SIDT2: variants seen among roughly 807,000 people sequenced by gnomAD.
SIDT2 encodes SID1 transmembrane family, member 2.
SIDT2 carries 68 observed loss-of-function variants against 114.4 expected under a neutral mutation model. The ratio of observed to expected loss-of-function variants is 0.59; its 90% CI spans 0.49 to 0.73. SIDT2 has a LOEUF of 0.73. Among genes scored for constraint, SIDT2 ranks in the 30% least tolerant of loss-of-function variants. The pLI, the probability that SIDT2 is intolerant of heterozygous loss-of-function variation, is 0.00. For synonymous variants in SIDT2, 470 were observed against 438.4 expected, an observed-to-expected ratio of 1.07 and a Z score of -0.90; for missense variants, 918 against 1,097.1, an observed-to-expected ratio of 0.84 and a Z score of 2.31.
In SIDT2 at chr11:117,188,746, G is replaced by A. The variant is rs376169819; in HGVS notation, c.1198G>A (p.Asp400Asn). 60 of 1,614,054 alleles carry A rather than the reference G, an allele frequency of 3.7e-5. No individual in the cohort carries two copies. The Middle Eastern group carries it at 4.9e-4, about 13-fold the overall frequency. The change falls in exon 13 of 26, where the codon GAC becomes AAC. Residue 400 changes from aspartate (D) to asparagine (N), a missense_variant. By Grantham distance (23) the Asp-to-Asn change is conservative. Around this residue, in one of 4 missense-constraint regions of SIDT2, gnomAD observed 553 missense variants for 600.1 expected, o/e 0.92. Coordinates refer to ENST00000324225, the MANE Select transcript of SIDT2 (RefSeq NM_001040455.2). The surrounding 1 kb of genome is among the most constrained non-coding windows in gnomAD (Gnocchi z 4.0). ...FEPVGTRPRV[D>N]SMSSVEEDDY... The stretch of plus-strand genomic sequence containing the variant: ...ACCTGTAGGTACTCGGCCCCGAGTG[G>A]ACTCCATGAGCTCTGTGGAGGAGGA...
Position 117,190,211 on chromosome 11 carries a change from G to T in SIDT2, c.1539G>T (p.Gly513=), listed in dbSNP as rs765726361. The T allele has an allele frequency of 6.3e-6, 10 of 1,581,924 alleles. No homozygotes were observed. In the Admixed American group the frequency reaches 1.4e-4, roughly 23 times the overall value. ...GCAACCTGGGGTACATCCTGCTGGG[G>T]CTGCTTTTCCTGCTCATCATCCTGC... is the stretch of plus-strand genomic sequence containing the variant. The part of the protein sequence containing the change: ...ILSNLGYILL[G]LLFLLIILQR... Residue 513 remains glycine, a synonymous_variant, in exon 17 of 26, where the codon GGG becomes GGT. Transcript: ENST00000324225. The surrounding 1 kb of genome is among the most constrained non-coding windows in gnomAD (Gnocchi z 4.1).
Position 117,192,352 on chromosome 11 carries a change from G to A in SIDT2, c.1971G>A (p.Arg657=). The A allele has an allele frequency of 6.3e-7, 1 of 1,599,948 alleles. No homozygotes were observed. ...GCACGCAGCTCTATTACATGGGCCG[G>A]TGGAAACTGGGTAAGGGCACGCCCG... ...LLSTQLYYMG[R]WKLDSGIFRR... is the part of the protein sequence containing the mutation. Residue 657 remains arginine, a synonymous_variant, in exon 20 of 26, where the codon CGG becomes CGA. Transcript: ENST00000324225. The surrounding 1 kb of genome is among the most constrained non-coding windows in gnomAD (Gnocchi z 5.9).
rs1378890115 is a variant in SIDT2 at position 117,188,905 on chromosome 11, C to T, written c.1278+79C>T. ...GCGTTCCCGCCCCAGCATGTTCCCA[C>T]TGACGTGGCATTTAGGGAAGCAGAA... On this transcript the variant is annotated intron_variant, in intron 13 of 25. Transcript: ENST00000324225. The surrounding 1 kb of genome is among the most constrained non-coding windows in gnomAD (Gnocchi z 4.0). The T allele has an allele frequency of 1.7e-5, 24 of 1,396,554 alleles. No individual in the cohort carries two copies. The highest frequency in any genetic ancestry group is 2.4e-5 in the Non-Finnish European group (24 of 982,814). 86.5% of individuals were successfully genotyped at this position (1,396,554 alleles called of 1,614,324 possible).
chr11:117,190,890 T>C lies in SIDT2; in HGVS notation c.1735+150T>C, dbSNP rs1377367383. 4 of 618,654 alleles carry C rather than the reference T, an allele frequency of 6.5e-6. No homozygotes were observed. The highest frequency in any genetic ancestry group is 5.8e-6 in the Non-Finnish European group (2 of 343,044). 38.3% of individuals were successfully genotyped at this position (618,654 alleles called of 1,614,324 possible). ...GCCTGGGTGTGCACACATCCTAGCCTATGGAACATGGGCACCTAGATGCTG... is the reference window on the plus strand; with the variant it reads ...GCCTGGGTGTGCACACATCCTAGCCCATGGAACATGGGCACCTAGATGCTG... On this transcript the variant is annotated intron_variant, in intron 18 of 25. Transcript: ENST00000324225. The surrounding 1 kb of genome is among the most constrained non-coding windows in gnomAD (Gnocchi z 4.1).
intron 24 of SIDT2, among the ~76,000 whole-genome samples, chr11:117,194,920 C>G (rs1565290007): frequency 6.6e-6 from 1 of 151,734 alleles, no homozygotes; most frequent in Non-Finnish European, 1.5e-5. Context: ...AACCCCATCT[C>G]TAGTAAAAAT....
At position 117,196,756 on chromosome 11, in the gene SIDT2, C is replaced by G. The variant is rs893255588; in HGVS notation, c.*690C>G. 6.5e-6 allele frequency: 1 copy of G among 153,010 alleles called. No individual in the cohort carries two copies. Among genetic ancestry groups the G allele is most frequent in the African/African-American group, 2.4e-5 (1 of 41,450 alleles). 9.5% of individuals were successfully genotyped at this position (153,010 alleles called of 1,614,324 possible). A position where few individuals can be genotyped will look rare whatever the true frequency, so the allele number is the denominator to read the frequency against. On this transcript the variant is annotated 3_prime_UTR_variant, in exon 26 of 26. Coordinates refer to ENST00000324225, the MANE Select transcript of SIDT2 (RefSeq NM_001040455.2). The surrounding 1 kb of genome is among the most constrained non-coding windows in gnomAD (Gnocchi z 4.9). ...CTCAGCCCAATTTGAGAACCGCCTT[C>G]TGATTCAAGAGGCTGAATTCAGAGG...
rs2030909766 is a variant in SIDT2 at position 117,196,725 on chromosome 11, A to G, written c.*659A>G. ...CTGTGCTCAGGGCTGGCTCTTTAGCAATGCGCTCAGCCCAATTTGAGAACC... is the reference window on the plus strand; with the variant it reads ...CTGTGCTCAGGGCTGGCTCTTTAGCGATGCGCTCAGCCCAATTTGAGAACC... On this transcript the variant is annotated 3_prime_UTR_variant, in exon 26 of 26. Coordinates refer to ENST00000324225, the MANE Select transcript of SIDT2 (RefSeq NM_001040455.2). The surrounding 1 kb of genome is among the most constrained non-coding windows in gnomAD (Gnocchi z 4.9). The G allele has an allele frequency of 6.5e-6, 1 of 153,266 alleles. No individual in the cohort carries two copies. Among genetic ancestry groups the G allele is most frequent in the Admixed American group, 6.5e-5 (1 of 15,404 alleles). 9.5% of individuals were successfully genotyped at this position (153,266 alleles called of 1,614,324 possible).
At chr11:117,187,785 C>T (rs188624561) in intron 12 of SIDT2, 86 bp downstream of exon 12, 224 of 1,318,558 alleles carry the variant, frequency 1.7e-4, no homozygotes, top group Admixed American at 4.9e-4. Context: ...GCCTCTTCTG[C>T]CAGATGCTGG....
intron 23 of SIDT2, 152 bp downstream of exon 23, chr11:117,193,410 G>GCAGCCCACT: frequency 1.4e-6 from 1 of 725,912 alleles, no homozygotes; most frequent in Non-Finnish European, 2.3e-6. Context: ...ATGGGCCCCT[G>GCAGCCCACT]GGAGCCAACT....
At chr11:117,194,846 T>C (rs1204078497) in intron 24 of SIDT2, among the ~76,000 whole-genome samples, 2 of 152,004 alleles carry the variant, frequency 1.3e-5, no homozygotes, top group East Asian at 1.9e-4. Flanking sequence ...CCCAGCACTT[T>C]GGGAGGCCGA....
intron 24 of SIDT2, 90 bp from the exon 25 acceptor site, chr11:117,195,712 A>G: frequency 7.5e-7 from 1 of 1,327,772 alleles, no homozygotes; most frequent in Admixed American, 1.7e-5. Context: ...GGCTGGAGAG[A>G]GGGGTGCCCA....
chr11:117,186,659 G>A, intron 10 of SIDT2, 23 bp downstream of exon 10: 1 of 1,544,010 alleles, frequency 6.5e-7, no homozygotes, highest in Non-Finnish European at 8.7e-7. Context: ...GGCCTGGGTG[G>A]GGCGGGCACA....
chr11:117,182,763 G>C lies in SIDT2; in HGVS notation c.659G>C (p.Gly220Ala), dbSNP rs751518422. ...YDLDNNVAFI[G>A]MYQTMTKKAA... ...CTGGACAACAACGTAGCCTTCATCGGCATGTACCAGACGATGACCAAGAAG... is the reference window on the plus strand; with the variant it reads ...CTGGACAACAACGTAGCCTTCATCGCCATGTACCAGACGATGACCAAGAAG... The change falls in exon 6 of 26, where the codon GGC becomes GCC. Residue 220 changes from glycine to alanine, a missense_variant. Gly to Ala is a moderately conservative substitution (Grantham distance 60). Coordinates refer to ENST00000324225, the MANE Select transcript of SIDT2 (RefSeq NM_001040455.2). 6.2e-7 allele frequency: 1 copy of C among 1,614,022 alleles called. No homozygotes were observed. The highest frequency in any genetic ancestry group is 2.2e-5 in the East Asian group (1 of 44,888).
At chr11:117,185,099 G>C (rs1430321637) in intron 8 of SIDT2, among the ~76,000 whole-genome samples, 37 of 148,354 alleles carry the variant, frequency 2.5e-4, no homozygotes, top group Non-Finnish European at 4.5e-5. Flanking sequence ...GCCCAGGCTG[G>C]AGTGCAGTGG....
At chr11:117,184,266 G>A in intron 8 of SIDT2, 127 bp downstream of exon 8, 1 of 905,590 alleles carries the variant, frequency 1.1e-6, no homozygotes, top group South Asian at 1.5e-5. Flanking sequence ...GTAGGAACGG[G>A]GAGTGTTCTT....
At chr11:117,182,901 C>T in intron 6 of SIDT2, 95 bp downstream of exon 6, 1 of 1,348,154 alleles carries the variant, frequency 7.4e-7, no homozygotes, top group Non-Finnish European at 1.0e-6. Flanking sequence ...CCATTCCTAT[C>T]CTACACACGA....
rs2030644053 is a variant in SIDT2, at chr11:117,190,082, C to T, written c.1493+57C>T. 2 of 1,613,810 alleles carry T rather than the reference C, an allele frequency of 1.2e-6. No individual in the cohort carries two copies. The highest frequency in any genetic ancestry group is 2.2e-5 in the South Asian group (2 of 91,076). ...GGCCAAGGGTGAAATGGGGCAGGGCCTGGGGCTTTGCAATGCCCACGTGGG... is the reference window on the plus strand; with the variant it reads ...GGCCAAGGGTGAAATGGGGCAGGGCTTGGGGCTTTGCAATGCCCACGTGGG... On this transcript the variant is annotated intron_variant, in intron 16 of 25. Transcript: ENST00000324225. The surrounding 1 kb of genome is among the most constrained non-coding windows in gnomAD (Gnocchi z 4.1).
At chr11:117,189,080 G>A (rs2030606924) in intron 13 of SIDT2, 89 bp from the exon 14 acceptor site, 1 of 1,370,354 alleles carries the variant, frequency 7.3e-7, no homozygotes, top group South Asian at 1.2e-5. Context: ...GGCCCTGTGT[G>A]AGGGAGGCCC....
At position 117,179,450 on chromosome 11, in the gene SIDT2, AG is replaced by A. The variant is rs754435964; in HGVS notation, c.183+7del. On this transcript the variant is annotated splice_donor_5th_base_variant and intron_variant, in intron 1 of 25. Coordinates refer to ENST00000324225, the MANE Select transcript of SIDT2 (RefSeq NM_001040455.2). Reference sequence around the variant, plus strand: ...CCATACTGTGACCCGCAACAGGGTGAGGGCTGGGGGCTTAGGGGCCAGAGGC... The same window carrying A: ...CCATACTGTGACCCGCAACAGGGTGAGGCTGGGGGCTTAGGGGCCAGAGGC... 1 of 1,611,226 alleles carries A rather than the reference AG, an allele frequency of 6.2e-7. No individual in the cohort carries two copies. The highest frequency in any genetic ancestry group is 8.5e-7 in the Non-Finnish European group (1 of 1,178,076).
Sources: gnomAD v4.1 joint callset for allele counts (sites outside exome capture counted in the v4.1 genomes callset) on GRCh38, gnomAD v4.1.1 for gene constraint, gnomAD v4.1.1 regional missense constraint, Gnocchi (gnomAD v3.1) non-coding constraint, MANE v1.5 for transcripts, NCBI Gene and HGNC (gene_info 2026-07-23, HGNC 2026-07-21) for gene names.